TAFA1: variants seen among roughly 807,000 people sequenced by gnomAD.
The protein encoded by TAFA1 is TAFA chemokine like family member 1, also known as chemokine-like protein TAFA-1.
TAFA1 carries 4 observed loss-of-function variants against 18.5 expected under a neutral mutation model. That is an observed-to-expected ratio of 0.22 (90% CI 0.11 to 0.49). TAFA1 has a LOEUF of 0.49. Ranked by LOEUF, TAFA1 falls within the 20% of genes least tolerant of loss-of-function variation. The pLI, the probability that TAFA1 is intolerant of heterozygous loss-of-function variation, is 0.98. For missense variants in TAFA1, 147 were observed against 169.0 expected, an observed-to-expected ratio of 0.87 and a Z score of 0.72; for synonymous variants, 56 against 55.2, an observed-to-expected ratio of 1.01 and a Z score of -0.06.
At chr3:68,060,436 G>A (rs1444286786) in intron 2 of TAFA1, among the ~76,000 whole-genome samples, 1 of 152,164 alleles carries the variant, frequency 6.6e-6, no homozygotes, top group African/African-American at 2.4e-5. Flanking sequence ...GCCTGGGGCA[G>A]ATATTTTTAA....
At chr3:68,316,943 ACT>A (rs1185032624) in intron 2 of TAFA1, among the ~76,000 whole-genome samples, 3 of 151,862 alleles carry the variant, frequency 2.0e-5, no homozygotes, top group African/African-American at 7.3e-5. Flanking sequence ...ATTATTTCTG[ACT>A]CTATTTTTTT....
At chr3:67,997,320 C>T in the TAFA1 span, among the ~76,000 whole-genome samples, 1 of 152,166 alleles carries the variant, frequency 6.6e-6, no homozygotes, top group East Asian at 1.9e-4. Context: ...TCTTTTGAAG[C>T]AGGTATCAGT....
At chr3:68,479,724 G>A (rs2072191877) in intron 3 of TAFA1, among the ~76,000 whole-genome samples, 1 of 152,140 alleles carries the variant, frequency 6.6e-6, no homozygotes, top group African/African-American at 2.4e-5. Flanking sequence ...TTTCTCTGCA[G>A]GAGGCTGTGA....
In TAFA1 at chr3:68,269,669, C is replaced by T. The variant is rs565194142; in HGVS notation, c.119-147611C>T. 2.5e-4 allele frequency among the ~76,000 whole-genome samples: 38 copies of T among 152,186 alleles called. 1 individual carries two copies. Among genetic ancestry groups the T allele is most frequent in the African/African-American group, 8.7e-4 (36 of 41,542 alleles). On this transcript the variant is annotated intron_variant, in intron 2 of 4. Coordinates refer to ENST00000478136, the MANE Select transcript of TAFA1 (RefSeq NM_213609.4). ...AGGAGTGATGGCTCATGCCTATAAT[C>T]CCAGAACTTTGGGAGGCCAAGATAG...
At chr3:68,341,203 G>C (rs775098915) in intron 2 of TAFA1, among the ~76,000 whole-genome samples, 4 of 152,168 alleles carry the variant, frequency 2.6e-5, no homozygotes, top group Non-Finnish European at 5.9e-5. Context: ...AAGCATTCCA[G>C]TATTGGAGTT....
At chr3:68,419,240 T>C (rs2070909450) in intron 3 of TAFA1, among the ~76,000 whole-genome samples, 1 of 152,180 alleles carries the variant, frequency 6.6e-6, no homozygotes, top group Non-Finnish European at 1.5e-5. Flanking sequence ...TTCATTGTGG[T>C]GGTAGACCGC....
At chr3:68,515,568 G>A (rs969673651) in intron 3 of TAFA1, among the ~76,000 whole-genome samples, 7 of 152,196 alleles carry the variant, frequency 4.6e-5, no homozygotes, top group Non-Finnish European at 7.3e-5. Context: ...TGCTAGGTAT[G>A]TAGAAATAAG....
At chr3:68,191,530 C>A (rs2066339912) in intron 2 of TAFA1, among the ~76,000 whole-genome samples, 1 of 151,708 alleles carries the variant, frequency 6.6e-6, no homozygotes, top group Admixed American at 6.6e-5. Context: ...ATTGGTTTGG[C>A]TTTAGTACAT....
intron 2 of TAFA1, among the ~76,000 whole-genome samples, chr3:68,221,394 G>A (rs1173222768): frequency 6.6e-6 from 1 of 152,158 alleles, no homozygotes; most frequent in African/African-American, 2.4e-5. Context: ...ACTCTGATAA[G>A]AGAGTAGATT....
chr3:68,380,085 AAGGACATGAACTCATCCT>A (rs2069905336), intron 2 of TAFA1, among the ~76,000 whole-genome samples: 1 of 152,166 alleles, frequency 6.6e-6, no homozygotes. Context: ...TGTCCCTACA[AAGGACATGAACTCATCCT>A]TTTTTATGGC....
intron 2 of TAFA1, among the ~76,000 whole-genome samples, chr3:68,153,412 A>G (rs1410962698): frequency 1.3e-5 from 2 of 152,162 alleles, no homozygotes; most frequent in African/African-American, 2.4e-5. Flanking sequence ...GGTCATGATT[A>G]GAAGCTGAGA....
chr3:68,085,311 C>T (rs2064957629), intron 2 of TAFA1, among the ~76,000 whole-genome samples: 1 of 152,114 alleles, frequency 6.6e-6, no homozygotes, highest in African/African-American at 2.4e-5. Context: ...CTTATCAAGG[C>T]CTTAATTGTG....
intron 2 of TAFA1, among the ~76,000 whole-genome samples, chr3:68,286,780 G>T (rs1057048601): frequency 2.0e-5 from 3 of 152,204 alleles, no homozygotes; most frequent in Non-Finnish European, 4.4e-5. Context: ...TCAAGATACA[G>T]AGTATTCACT....
chr3:68,033,671 GAA>G (rs142379372), intron 2 of TAFA1, among the ~76,000 whole-genome samples: 1 of 152,098 alleles, frequency 6.6e-6, no homozygotes, highest in Non-Finnish European at 1.5e-5. Flanking sequence ...TGGATGGAAT[GAA>G]AAAAATTAGC....
intron 4 of TAFA1, among the ~76,000 whole-genome samples, chr3:68,541,259 C>T (rs145017130): frequency 1.0e-3 from 158 of 152,264 alleles, no homozygotes; most frequent in African/African-American, 3.5e-3. Context: ...TACGTCCTCC[C>T]TCCTCCCTCC....
intron 2 of TAFA1, among the ~76,000 whole-genome samples, chr3:68,210,372 T>G (rs2066580826): frequency 6.6e-6 from 1 of 151,970 alleles, no homozygotes; most frequent in Admixed American, 6.6e-5. Flanking sequence ...TCAGTGTGAA[T>G]ACACATAAGC....
intron 2 of TAFA1, among the ~76,000 whole-genome samples, chr3:68,209,901 C>T (rs1192850673): frequency 6.6e-6 from 1 of 151,826 alleles, no homozygotes; most frequent in Non-Finnish European, 1.5e-5. Context: ...AGATGTGGAG[C>T]CCGTAGTAGC....
intron 2 of TAFA1, among the ~76,000 whole-genome samples, chr3:68,385,069 T>C (rs1189862562): frequency 6.6e-6 from 1 of 151,710 alleles, no homozygotes; most frequent in African/African-American, 2.4e-5. Context: ...CCTGCTTCTA[T>C]AATTACTAAC....
chr3:68,088,037 C>G (rs994158858), intron 2 of TAFA1, among the ~76,000 whole-genome samples: 3 of 152,080 alleles, frequency 2.0e-5, no homozygotes, highest in African/African-American at 7.2e-5. Context: ...AAAACAAGAT[C>G]ATTTACATTT....
Sources: allele counts gnomAD v4.1 joint callset (sites outside exome capture counted in the v4.1 genomes callset), GRCh38; gene constraint gnomAD v4.1.1; transcripts MANE v1.5; gene names NCBI Gene and HGNC (gene_info 2026-07-23, HGNC 2026-07-21).